DPYSL2: variants seen among roughly 807,000 people sequenced by gnomAD.
DPYSL2 encodes dihydropyrimidinase-related protein 2.
In DPYSL2, 13 loss-of-function variants were observed where a neutral mutation model predicts 69.9. The observed-to-expected ratio is 0.19, with a 90% CI of 0.12 to 0.30. The LOEUF is 0.30. Ranked by LOEUF, DPYSL2 falls within the 10% of genes least tolerant of loss-of-function variation. The probability of loss-of-function intolerance (pLI) is 1.00; values close to 1 mark genes in which losing one functional copy is unlikely to be tolerated. For synonymous variants in DPYSL2, 326 were observed against 359.1 expected (o/e 0.91, Z 1.04); for missense variants, 587 against 918.9 (o/e 0.64, Z 4.67).
chr8:26,540,451 A>G (rs923321769), intron 1 of DPYSL2, among the ~76,000 whole-genome samples: 1 of 152,248 alleles, frequency 6.6e-6, no homozygotes, highest in Non-Finnish European at 1.5e-5. Context: ...ATTTAAATAA[A>G]TAATGGCTGA....
chr8:26,623,864 C>T, intron 3 of DPYSL2: 1 of 359,466 alleles, frequency 2.8e-6, no homozygotes, highest in Non-Finnish European at 5.1e-6. Flanking sequence ...CCGTGAAATG[C>T]ACCCAAAGCT....
In DPYSL2 at chr8:26,564,131, A is replaced by G. The variant is rs201908750; in HGVS notation, c.355-17838A>G. Among the ~76,000 whole-genome samples, 3 of 152,198 alleles carry G rather than the reference A, an allele frequency of 2.0e-5. No individual in the cohort carries two copies. Among genetic ancestry groups the G allele is most frequent in the Admixed American group, 6.5e-5 (1 of 15,278 alleles). On this transcript the variant is annotated intron_variant, in intron 1 of 13. Coordinates refer to ENST00000521913, the MANE Select transcript of DPYSL2 (RefSeq NM_001197293.3). This position sits in a 1 kb window ranked among gnomAD's most constrained non-coding sequence, Gnocchi z 4.8. ...AGAGGCAATAATGTTAAGTATCACAATGAGCTCAGTTAAAATAAAGATCAC... is the reference window on the plus strand; with the variant it reads ...AGAGGCAATAATGTTAAGTATCACAGTGAGCTCAGTTAAAATAAAGATCAC...
rs1217798597 is a variant in DPYSL2 at position 26,593,742 on chromosome 8, C to T, written c.628+9759C>T. Among the ~76,000 whole-genome samples the T allele has an allele frequency of 1.3e-5, 2 of 152,064 alleles. No homozygotes were observed. Among genetic ancestry groups the T allele is most frequent in the African/African-American group, 2.4e-5 (1 of 41,386 alleles). ...CTGGCTGGTGGGACAGGGTGGGTGCCGGGGGCAGAGGGGAACTGGAATGTG... is the reference window on the plus strand; with the variant it reads ...CTGGCTGGTGGGACAGGGTGGGTGCTGGGGGCAGAGGGGAACTGGAATGTG... On this transcript the variant is annotated intron_variant, in intron 3 of 13. Transcript: ENST00000521913. The surrounding 1 kb of genome is among the most constrained non-coding windows in gnomAD (Gnocchi z 5.7).
chr8:26,515,105 G>T (rs942556651), intron 1 of DPYSL2, among the ~76,000 whole-genome samples: 1 of 152,228 alleles, frequency 6.6e-6, no homozygotes, highest in East Asian at 1.9e-4. Context: ...GAAGGCCCGC[G>T]GCTCCCCGGT....
chr8:26,531,102 A>G (rs1268669225), intron 1 of DPYSL2, among the ~76,000 whole-genome samples: 1 of 151,318 alleles, frequency 6.6e-6, no homozygotes, highest in Non-Finnish European at 1.5e-5. Flanking sequence ...CTCAGCTGCT[A>G]TGACCTAAGC....
At chr8:26,553,868 G>A (rs1800904786) in intron 1 of DPYSL2, among the ~76,000 whole-genome samples, 1 of 148,182 alleles carries the variant, frequency 6.7e-6, no homozygotes, top group South Asian at 2.1e-4. Flanking sequence ...CATTTTCTCT[G>A]CAACCTCATC....
At chr8:26,566,949 AC>A (rs945595655) in intron 1 of DPYSL2, among the ~76,000 whole-genome samples, 32 of 151,614 alleles carry the variant, frequency 2.1e-4, no homozygotes, top group African/African-American at 7.8e-4. Context: ...CCACTCTTCC[AC>A]CCATTCACTT....
In DPYSL2 at chr8:26,620,682, A is replaced by G. The variant is rs1802461127; in HGVS notation, c.629-3461A>G. Reference sequence around the variant, plus strand: ...TGATAAAGTATTTTTTAAAGTCATCATGAATCAATAGAAGGAAAGGATTAT... The same window carrying G: ...TGATAAAGTATTTTTTAAAGTCATCGTGAATCAATAGAAGGAAAGGATTAT... On this transcript the variant is annotated intron_variant, in intron 3 of 13. Transcript: ENST00000521913. The surrounding 1 kb of genome is among the most constrained non-coding windows in gnomAD (Gnocchi z 4.5). Among the ~76,000 whole-genome samples the G allele has an allele frequency of 1.3e-5, 2 of 152,228 alleles. No homozygotes were observed. Among genetic ancestry groups the G allele is most frequent in the Non-Finnish European group, 2.9e-5 (2 of 68,044 alleles).
intron 3 of DPYSL2, among the ~76,000 whole-genome samples, chr8:26,600,999 C>G (rs1801977870): frequency 6.6e-6 from 1 of 152,204 alleles, no homozygotes; most frequent in Admixed American, 6.5e-5. Context: ...CTTCTGACAG[C>G]ACACAGCCTG....
At chr8:26,589,666 G>A (rs1039620432) in intron 3 of DPYSL2, among the ~76,000 whole-genome samples, 1 of 152,244 alleles carries the variant, frequency 6.6e-6, no homozygotes, top group Admixed American at 6.5e-5. Context: ...TGGTCATGGT[G>A]GGGGAGGGTG....
intron 1 of DPYSL2, among the ~76,000 whole-genome samples, chr8:26,550,131 A>G (rs549920754): frequency 1.3e-5 from 2 of 152,352 alleles, no homozygotes; most frequent in East Asian, 1.9e-4. Flanking sequence ...TTAAATAAGG[A>G]AAAGTAACAT....
intron 1 of DPYSL2, among the ~76,000 whole-genome samples, chr8:26,527,737 G>C (rs937099191): frequency 6.7e-6 from 1 of 148,598 alleles, no homozygotes; most frequent in South Asian, 2.1e-4. Context: ...ATTAATCCCA[G>C]AATTAAAAAA....
At chr8:26,530,710 G>A (rs1800496416) in intron 1 of DPYSL2, among the ~76,000 whole-genome samples, 1 of 152,204 alleles carries the variant, frequency 6.6e-6, no homozygotes, top group Non-Finnish European at 1.5e-5. Flanking sequence ...AGATTTCCTG[G>A]AAAGTCACTG....
In DPYSL2 at chr8:26,580,091, T is replaced by C. The variant is rs1801457511; in HGVS notation, c.355-1878T>C. Among the ~76,000 whole-genome samples the C allele has an allele frequency of 2.0e-5, 3 of 151,978 alleles. No individual in the cohort carries two copies. The South Asian group carries it at 6.3e-4, about 32-fold the overall frequency. ...GGCACTAGAGTGAACGGGGGTGTGG[T>C]GTTTCACTTTTTTTCATGGCATCAT... On this transcript the variant is annotated intron_variant, in intron 1 of 13. Transcript: ENST00000521913. This position sits in a 1 kb window ranked among gnomAD's most constrained non-coding sequence, Gnocchi z 4.1.
chr8:26,584,521 G>A (rs145488633), intron 3 of DPYSL2, among the ~76,000 whole-genome samples: 1,619 of 152,144 alleles, frequency 0.011, 14 homozygotes, highest in Middle Eastern at 0.014. Context: ...GCCCTGTCTG[G>A]AGGGGGACCC....
chr8:26,637,543 T>A (rs1283623480), intron 8 of DPYSL2: 1 of 152,252 alleles, frequency 6.6e-6, no homozygotes, highest in African/African-American at 2.4e-5. Flanking sequence ...ACGGTGATGC[T>A]TGTGACCTGT....
intron 1 of DPYSL2, among the ~76,000 whole-genome samples, chr8:26,545,869 C>T (rs989996842): frequency 2.0e-5 from 3 of 152,120 alleles, no homozygotes; most frequent in Non-Finnish European, 4.4e-5. Context: ...GTTTTCTTCC[C>T]TTGATCTGTT....
rs1008124544 is a variant in DPYSL2 at position 26,562,774 on chromosome 8, A to G, written c.355-19195A>G. The stretch of plus-strand genomic sequence containing the variant: ...GGGATTTGAACACAGTAGAGCAGGG[A>G]TATGTTGTCTCTGCTCCACGATGTC... On this transcript the variant is annotated intron_variant, in intron 1 of 13. Coordinates refer to ENST00000521913, the MANE Select transcript of DPYSL2 (RefSeq NM_001197293.3). The surrounding 1 kb of genome is among the most constrained non-coding windows in gnomAD (Gnocchi z 4.9). Among the ~76,000 whole-genome samples the G allele has an allele frequency of 6.6e-6, 1 of 152,138 alleles. No homozygotes were observed. Among genetic ancestry groups the G allele is most frequent in the Admixed American group, 6.5e-5 (1 of 15,280 alleles).
At position 26,607,786 on chromosome 8, in the gene DPYSL2, A is replaced by G. The variant is rs572826902; in HGVS notation, c.629-16357A>G. Among the ~76,000 whole-genome samples the G allele has an allele frequency of 1.7e-3, 261 of 150,428 alleles. 1 individual carries two copies. The highest frequency in any genetic ancestry group is 5.7e-3 in the African/African-American group (232 of 40,986). The stretch of plus-strand genomic sequence containing the variant: ...AAAGCAAGACCCTGTGTCAAAAAGA[A>G]AAAAAAAAATCGGCTGGGTGTGGTG... On this transcript the variant is annotated intron_variant, in intron 3 of 13. Coordinates refer to ENST00000521913, the MANE Select transcript of DPYSL2 (RefSeq NM_001197293.3).
Sources: allele counts gnomAD v4.1 joint callset (sites outside exome capture counted in the v4.1 genomes callset), GRCh38; gene constraint gnomAD v4.1.1; non-coding constraint Gnocchi (gnomAD v3.1); transcripts MANE v1.5; gene names NCBI Gene and HGNC (gene_info 2026-07-23, HGNC 2026-07-21).